The following PACRG variants were observed in gnomAD, a reference collection of about 807,000 sequenced individuals.
The protein encoded by PACRG is parkin coregulated.
A neutral mutation model predicts 29.7 loss-of-function variants in PACRG; 29 were observed. The observed-to-expected ratio is 0.98, with a 90% CI of 0.73 to 1.33. PACRG has a LOEUF of 1.33. PACRG is among the 40% of genes most tolerant of loss of function. The pLI, the probability that PACRG is intolerant of heterozygous loss-of-function variation, is 0.00. For synonymous variants in PACRG, 116 were observed against 118.7 expected (o/e 0.98, Z 0.15); for missense variants, 279 against 316.2 (o/e 0.88, Z 0.89).
chr6:163,119,396 C>T (rs1816161795), intron 4 of PACRG, among the ~76,000 whole-genome samples: 2 of 152,208 alleles, frequency 1.3e-5, no homozygotes, highest in African/African-American at 4.8e-5. Context: ...CCACCTGGCA[C>T]CCAGTGAGTG....
At chr6:162,755,224 T>A (rs1411002055) in intron 1 of PACRG, among the ~76,000 whole-genome samples, 1 of 152,134 alleles carries the variant, frequency 6.6e-6, no homozygotes, top group African/African-American at 2.4e-5. Context: ...CAATTTTGTG[T>A]ATCTTTGCAA....
At chr6:162,875,002 C>T (rs36135271) in intron 2 of PACRG, among the ~76,000 whole-genome samples, 17,094 of 152,136 alleles carry the variant, frequency 0.11, 1,304 homozygotes, top group African/African-American at 0.21. Flanking sequence ...CACATACATT[C>T]ATACACATGT....
chr6:163,125,881 G>T (rs1816494928), intron 4 of PACRG, among the ~76,000 whole-genome samples: 1 of 152,178 alleles, frequency 6.6e-6, no homozygotes, highest in African/African-American at 2.4e-5. Flanking sequence ...TTCTGAAATA[G>T]TAAATATTTC....
intron 1 of PACRG, among the ~76,000 whole-genome samples, chr6:162,794,302 G>T (rs12194165): frequency 0.54 from 82,542 of 151,950 alleles, 23,218 homozygotes; most frequent in African/African-American, 0.67. Context: ...GTGGGGTTGT[G>T]TTTCTTTTTC....
intron 4 of PACRG, among the ~76,000 whole-genome samples, chr6:163,292,688 T>C (rs1424292226): frequency 1.3e-5 from 2 of 151,950 alleles, no homozygotes; most frequent in African/African-American, 4.8e-5. Context: ...CCTCCCAGAG[T>C]GCTGGGATTA....
At chr6:163,092,912 G>A (rs143790432) in intron 4 of PACRG, among the ~76,000 whole-genome samples, 3 of 152,284 alleles carry the variant, frequency 2.0e-5, no homozygotes, top group African/African-American at 4.8e-5. Context: ...GACCCATAGC[G>A]CTCTCTCGTT....
rs781276587 is a variant in PACRG at position 163,268,222 on chromosome 6, A to G, written c.614-46605A>G. 8.5e-5 allele frequency among the ~76,000 whole-genome samples: 13 copies of G among 152,202 alleles called. No homozygotes were observed. The South Asian group carries it at 1.0e-3, about 12-fold the overall frequency. On this transcript the variant is annotated intron_variant, in intron 4 of 4. Transcript: ENST00000366888. ...GAGACCATCCTGGCCAACATGGTGAAACCCCATCTCTACTAAAAATACAAA... is the reference window on the plus strand; with the variant it reads ...GAGACCATCCTGGCCAACATGGTGAGACCCCATCTCTACTAAAAATACAAA...
At chr6:163,032,509 A>G (rs1278207670) in intron 2 of PACRG, among the ~76,000 whole-genome samples, 1 of 152,244 alleles carries the variant, frequency 6.6e-6, no homozygotes, top group Non-Finnish European at 1.5e-5. Context: ...AGTCAAAAAC[A>G]CGATTAACAA....
intron 2 of PACRG, among the ~76,000 whole-genome samples, chr6:162,981,448 A>T (rs1802427818): frequency 6.6e-6 from 1 of 151,946 alleles, no homozygotes; most frequent in Non-Finnish European, 1.5e-5. Context: ...CTTATAATAT[A>T]GTTTGAAGTC....
At chr6:163,256,374 C>T (rs1192320975) in intron 4 of PACRG, among the ~76,000 whole-genome samples, 1 of 152,168 alleles carries the variant, frequency 6.6e-6, no homozygotes, top group Non-Finnish European at 1.5e-5. Context: ...CACATCTGTA[C>T]TTACAGAGGA....
In PACRG at chr6:162,813,539, C is replaced by T. The variant is rs1406962872; in HGVS notation, c.157-608C>T. On this transcript the variant is annotated intron_variant, in intron 1 of 4. Transcript: ENST00000366888. Reference sequence around the variant, plus strand: ...AAGTTTCTCATCAGTTCTAATTTCTCACCTATTCTAATGTTACTTTCTTGT... The same window carrying T: ...AAGTTTCTCATCAGTTCTAATTTCTTACCTATTCTAATGTTACTTTCTTGT... Among the ~76,000 whole-genome samples, 3 of 152,196 alleles carry T rather than the reference C, an allele frequency of 2.0e-5. No individual in the cohort carries two copies. In the East Asian group the frequency reaches 5.8e-4, roughly 29 times the overall value.
At chr6:162,887,288 G>C (rs964597384) in intron 2 of PACRG, among the ~76,000 whole-genome samples, 4 of 152,136 alleles carry the variant, frequency 2.6e-5, no homozygotes, top group African/African-American at 9.7e-5. Flanking sequence ...TCCATCTTGT[G>C]GGTGTGTTCT....
At chr6:162,924,696 T>G (rs1295671973) in intron 2 of PACRG, among the ~76,000 whole-genome samples, 1 of 152,018 alleles carries the variant, frequency 6.6e-6, no homozygotes, top group Non-Finnish European at 1.5e-5. Context: ...TCACATTTAT[T>G]GACTTATGGT....
chr6:163,021,208 T>C (rs562123873), intron 2 of PACRG, among the ~76,000 whole-genome samples: 5 of 152,152 alleles, frequency 3.3e-5, no homozygotes, highest in Admixed American at 2.0e-4. Flanking sequence ...ACTGCAAAGC[T>C]CAGTGTGTCC....
intron 4 of PACRG, among the ~76,000 whole-genome samples, chr6:163,179,879 C>T (rs1779571825): frequency 6.6e-6 from 1 of 152,184 alleles, no homozygotes; most frequent in Non-Finnish European, 1.5e-5. Context: ...CAGACCAGAC[C>T]AGCAAGTCTC....
intron 4 of PACRG, among the ~76,000 whole-genome samples, chr6:163,159,930 C>A (rs1778486101): frequency 6.6e-6 from 1 of 152,206 alleles, no homozygotes; most frequent in South Asian, 2.1e-4. Context: ...CCAGGATGGA[C>A]AACCCACGCT....
intron 3 of PACRG, among the ~76,000 whole-genome samples, chr6:163,073,553 AC>A (rs971646942): frequency 6.6e-6 from 1 of 152,234 alleles, no homozygotes; most frequent in African/African-American, 2.4e-5. Context: ...CCTGACAAGC[AC>A]AGGCAACCAA....
intron 4 of PACRG, among the ~76,000 whole-genome samples, chr6:163,128,629 T>C (rs1303947060): frequency 6.6e-6 from 1 of 152,212 alleles, no homozygotes; most frequent in Admixed American, 6.5e-5. Context: ...CACTGGCAGA[T>C]TGTTCACACA....
intron 2 of PACRG, among the ~76,000 whole-genome samples, chr6:162,841,499 A>T (rs140356481): frequency 0.015 from 2,269 of 151,966 alleles, 61 homozygotes; most frequent in African/African-American, 0.052. Context: ...TTTCTTTATT[A>T]GTCTTGCTAG....
Sources: gnomAD v4.1 joint callset for allele counts (sites outside exome capture counted in the v4.1 genomes callset) on GRCh38, gnomAD v4.1.1 for gene constraint, MANE v1.5 for transcripts, NCBI Gene and HGNC (gene_info 2026-07-23, HGNC 2026-07-21) for gene names.